GRM5: variants seen among roughly 807,000 people sequenced by gnomAD.
The protein encoded by GRM5 is metabotropic glutamate receptor 5.
Under a neutral mutation model 83.1 loss-of-function variants are expected in GRM5, and 19 were observed. The ratio of observed to expected loss-of-function variants is 0.23; its 90% CI spans 0.16 to 0.34. The LOEUF (loss-of-function observed/expected upper bound fraction) is 0.34, where lower values mean the gene tolerates loss of function less well. GRM5 is among the 10% of genes least tolerant of loss of function. GRM5 has a pLI of 1.00. For missense variants in GRM5, 1,160 were observed against 1,588.3 expected, an observed-to-expected ratio of 0.73 and a Z score of 4.58; for synonymous variants, 675 against 633.6, an observed-to-expected ratio of 1.07 and a Z score of -0.98.
chr11:88,993,587 T>C (rs1435657539), intron 2 of GRM5, among the ~76,000 whole-genome samples: 1 of 152,224 alleles, frequency 6.6e-6, no homozygotes, highest in East Asian at 1.9e-4. Context: ...TCTTTTTTGG[T>C]TCTCAAAGAC....
chr11:88,687,119 C>G (rs2135353137), intron 3 of GRM5, among the ~76,000 whole-genome samples: 1 of 152,142 alleles, frequency 6.6e-6, no homozygotes, highest in Admixed American at 6.5e-5. Flanking sequence ...AAATTAGGCT[C>G]TGGTACAACT....
intron 2 of GRM5, among the ~76,000 whole-genome samples, chr11:88,944,203 C>T (rs374037703): frequency 7.2e-5 from 11 of 151,842 alleles, no homozygotes; most frequent in African/African-American, 2.2e-4. Flanking sequence ...AAACTTGAAG[C>T]CAGAAAAATA....
intron 3 of GRM5, among the ~76,000 whole-genome samples, chr11:88,691,939 G>A (rs183634725): frequency 3.3e-5 from 5 of 152,284 alleles, no homozygotes; most frequent in African/African-American, 7.2e-5. Flanking sequence ...AGGAAAGTCC[G>A]AAATACTTGC....
At chr11:88,658,274 A>T (rs1939818441) in intron 3 of GRM5, among the ~76,000 whole-genome samples, 1 of 152,120 alleles carries the variant, frequency 6.6e-6, no homozygotes, top group Admixed American at 6.6e-5. Flanking sequence ...AGAAGGAAAA[A>T]CAGATGATAG....
At chr11:88,919,557 G>T (rs1391311025) in intron 2 of GRM5, among the ~76,000 whole-genome samples, 2 of 151,408 alleles carry the variant, frequency 1.3e-5, no homozygotes, top group Admixed American at 1.3e-4. Flanking sequence ...GGATCTAATA[G>T]ATATTTACAG....
chr11:89,040,497 C>G (rs1354135001), intron 2 of GRM5, among the ~76,000 whole-genome samples: 1 of 152,046 alleles, frequency 6.6e-6, no homozygotes, highest in Non-Finnish European at 1.5e-5. Context: ...GAGTTTGAGA[C>G]CAGCCTGAGA....
intron 3 of GRM5, among the ~76,000 whole-genome samples, chr11:88,762,807 T>C (rs1360921398): frequency 1.3e-5 from 2 of 151,952 alleles, no homozygotes; most frequent in Non-Finnish European, 2.9e-5. Flanking sequence ...AAAGAAAACA[T>C]AGTACATGTG....
intron 3 of GRM5, among the ~76,000 whole-genome samples, chr11:88,759,140 C>T (rs1942457174): frequency 6.6e-6 from 1 of 152,026 alleles, no homozygotes; most frequent in African/African-American, 2.4e-5. Context: ...CTGAAGTACA[C>T]AGACCAGTGA....
chr11:88,593,780 C>G (rs1240734219), intron 6 of GRM5, among the ~76,000 whole-genome samples: 1 of 94,754 alleles, frequency 1.1e-5, no homozygotes, highest in East Asian at 3.6e-4. Flanking sequence ...CTCTCTCTCT[C>G]TCTCTTTCTC....
At chr11:88,723,366 T>A (rs1255112876) in intron 3 of GRM5, among the ~76,000 whole-genome samples, 1 of 152,116 alleles carries the variant, frequency 6.6e-6, no homozygotes, top group Admixed American at 6.6e-5. Flanking sequence ...TGTGTGGGCA[T>A]AAGTTTTCAG....
chr11:88,617,794 G>T (rs1353532532), intron 4 of GRM5, among the ~76,000 whole-genome samples: 1 of 152,156 alleles, frequency 6.6e-6, no homozygotes, highest in Non-Finnish European at 1.5e-5. Context: ...CCATGGCAGG[G>T]TGATCTCAGG....
chr11:88,845,264 C>G (rs1944278332), intron 3 of GRM5, among the ~76,000 whole-genome samples: 2 of 151,372 alleles, frequency 1.3e-5, no homozygotes, highest in South Asian at 4.2e-4. Context: ...AACATTGAGG[C>G]AAGACCCTCA....
At chr11:88,855,515 T>TA (rs1944459145) in intron 2 of GRM5, among the ~76,000 whole-genome samples, 1 of 151,932 alleles carries the variant, frequency 6.6e-6, no homozygotes. Flanking sequence ...TTGTAATTGC[T>TA]AAAAAAGTTT....
At chr11:89,023,362 TATA>T (rs1367141947) in intron 2 of GRM5, among the ~76,000 whole-genome samples, 3 of 152,066 alleles carry the variant, frequency 2.0e-5, no homozygotes, top group African/African-American at 7.2e-5. Flanking sequence ...TCCTACCTAT[TATA>T]ATGTTAAATC....
chr11:88,613,542 T>C (rs1938385972), intron 4 of GRM5, among the ~76,000 whole-genome samples: 1 of 152,202 alleles, frequency 6.6e-6, no homozygotes, highest in Admixed American at 6.5e-5. Context: ...TGATAGATCT[T>C]TCTCCATGTC....
In GRM5 at chr11:88,522,615, G is replaced by C. The variant is rs865973283; in HGVS notation, c.2726+2694C>G. 6.6e-3 allele frequency among the ~76,000 whole-genome samples: 945 copies of C among 143,204 alleles called. 15 individuals are homozygous for C. The highest frequency in any genetic ancestry group is 0.025 in the African/African-American group (883 of 34,952). The allele number at this position is 143,204 out of a possible 152,430, so 93.9% of individuals were successfully genotyped here. On this transcript the variant is annotated intron_variant, in intron 9 of 9. Coordinates refer to ENST00000305447, the MANE Select transcript of GRM5 (RefSeq NM_001143831.3). ...TCTCTCTCTCTCTCTGTGTGTGTGT[G>C]TGTGTGTGTGTGTGTGTGTGTGTGT... is the stretch of plus-strand genomic sequence containing the variant.
chr11:88,833,570 A>G, intron 3 of GRM5, among the ~76,000 whole-genome samples: 1 of 152,312 alleles, frequency 6.6e-6, no homozygotes, highest in Middle Eastern at 3.4e-3. Context: ...AGGTTTCTCA[A>G]AAAAGAAAAA....
At chr11:88,544,998 A>G (rs1591337336) in intron 8 of GRM5, among the ~76,000 whole-genome samples, 1 of 152,206 alleles carries the variant, frequency 6.6e-6, no homozygotes, top group Non-Finnish European at 1.5e-5. Flanking sequence ...TGGGAGACAA[A>G]AAACTTCCTC....
At chr11:88,860,064 A>G (rs866531903) in intron 2 of GRM5, among the ~76,000 whole-genome samples, 2 of 152,304 alleles carry the variant, frequency 1.3e-5, no homozygotes, top group Middle Eastern at 3.4e-3. Context: ...GAAACTTCAG[A>G]GAGACCATAG....
Sources: allele counts gnomAD v4.1 joint callset (sites outside exome capture counted in the v4.1 genomes callset), GRCh38; gene constraint gnomAD v4.1.1; transcripts MANE v1.5; gene names NCBI Gene and HGNC (gene_info 2026-07-23, HGNC 2026-07-21).